NEDD4: variants seen among roughly 807,000 people sequenced by gnomAD.
The protein encoded by NEDD4 is NEDD4 E3 ubiquitin protein ligase.
Under a neutral mutation model 144.9 loss-of-function variants are expected in NEDD4, and 99 were observed. The ratio of observed to expected loss-of-function variants is 0.68; its 90% CI spans 0.58 to 0.81. The LOEUF is 0.81. Among genes scored for constraint, NEDD4 ranks in the 30% least tolerant of loss-of-function variants. The pLI is 0.00. For missense variants in NEDD4, 985 were observed against 1,065.9 expected (o/e 0.92, Z 1.06); for synonymous variants, 318 against 350.6 (o/e 0.91, Z 1.04).
Position 55,872,297 on chromosome 15 carries a change from A to C in NEDD4, c.404+118T>G, listed in dbSNP as rs2034829670. ...TAAAATAATAATAATAATAATAATA[A>C]TATTTAGAAGTAACTTATTTACAGA... is the stretch of plus-strand genomic sequence containing the variant. On this transcript the variant is annotated intron_variant, in intron 7 of 28. Transcript: ENST00000435532. 5 of 278,742 alleles carry C rather than the reference A, an allele frequency of 1.8e-5. No individual in the cohort carries two copies. The Admixed American group carries it at 2.6e-4, about 15-fold the overall frequency. The allele number at this position is 278,742 out of a possible 1,614,324, so 17.3% of individuals were successfully genotyped here.
chr15:55,941,950 G>T (rs1451803972), intron 4 of NEDD4, among the ~76,000 whole-genome samples: 1 of 152,056 alleles, frequency 6.6e-6, no homozygotes, highest in African/African-American at 2.4e-5. Context: ...CTTGGTAAAT[G>T]TTCCATGGGC....
intron 1 of NEDD4, among the ~76,000 whole-genome samples, chr15:55,986,632 G>A (rs1351637166): frequency 1.5e-5 from 2 of 132,648 alleles, no homozygotes; most frequent in Non-Finnish European, 3.1e-5. Context: ...CTCCGTCGCC[G>A]AGGCTGGAGT....
At chr15:55,952,195 G>C (rs996736964) in intron 2 of NEDD4, among the ~76,000 whole-genome samples, 1 of 151,816 alleles carries the variant, frequency 6.6e-6, no homozygotes, top group Non-Finnish European at 1.5e-5. Flanking sequence ...TTAGCCAGGC[G>C]TGGTGGCAGG....
chr15:55,982,903 C>A (rs2037826916), intron 1 of NEDD4, among the ~76,000 whole-genome samples: 1 of 152,104 alleles, frequency 6.6e-6, no homozygotes, highest in Admixed American at 6.6e-5. Context: ...AGGTGGATCA[C>A]CTGAGGTCAG....
chr15:55,962,631 A>G (rs1362296822), intron 2 of NEDD4, among the ~76,000 whole-genome samples: 1 of 151,124 alleles, frequency 6.6e-6, no homozygotes, highest in Non-Finnish European at 1.5e-5. Context: ...TTTAGTAGAG[A>G]TGGGGTTTCA....
rs958759954 is a variant in NEDD4 at position 55,827,849 on chromosome 15, G to T, written c.*2048C>A. The T allele has an allele frequency of 2.0e-5, 3 of 152,092 alleles. No homozygotes were observed. Among genetic ancestry groups the T allele is most frequent in the Non-Finnish European group, 4.4e-5 (3 of 68,006 alleles). The allele number at this position is 152,092 out of a possible 1,614,324, so 9.4% of individuals were successfully genotyped here. A position where few individuals can be genotyped will look rare whatever the true frequency, so the allele number is the denominator to read the frequency against. On this transcript the variant is annotated 3_prime_UTR_variant, in exon 29 of 29. Transcript: ENST00000435532. ...CACACCTGACTTGACACAATCTGAC[G>T]GTCAGCACAAAGCACCTTCTGATTG...
chr15:55,993,042 T>C (rs1246136023), intron 1 of NEDD4, among the ~76,000 whole-genome samples: 1 of 152,152 alleles, frequency 6.6e-6, no homozygotes, highest in Non-Finnish European at 1.5e-5. Context: ...CGAATGACAA[T>C]TCACTTGGAA....
chr15:55,919,496 G>T (rs1324857530), intron 5 of NEDD4, among the ~76,000 whole-genome samples: 1 of 152,124 alleles, frequency 6.6e-6, no homozygotes, highest in Non-Finnish European at 1.5e-5. Context: ...TGCATTGCTG[G>T]CTGAGGTCTG....
intron 4 of NEDD4, among the ~76,000 whole-genome samples, chr15:55,938,178 G>A (rs914247348): frequency 7.9e-5 from 12 of 152,098 alleles, no homozygotes; most frequent in African/African-American, 2.9e-4. Context: ...GGCCAACGTA[G>A]TGAAACCCTG....
At chr15:55,864,681 T>C (rs752215187) in intron 8 of NEDD4, among the ~76,000 whole-genome samples, 1 of 95,106 alleles carries the variant, frequency 1.1e-5, no homozygotes, top group African/African-American at 3.8e-5. Context: ...AAACTCTGTC[T>C]CATAAGAAAA....
At chr15:55,886,233 C>A (rs773546321) in intron 5 of NEDD4, among the ~76,000 whole-genome samples, 6 of 152,142 alleles carry the variant, frequency 3.9e-5, no homozygotes, top group Non-Finnish European at 8.8e-5. Flanking sequence ...GAGAGACAGA[C>A]CCCAATACAA....
intron 5 of NEDD4, among the ~76,000 whole-genome samples, chr15:55,889,701 T>G (rs2035504524): frequency 6.6e-6 from 1 of 151,496 alleles, no homozygotes; most frequent in Admixed American, 6.6e-5. Flanking sequence ...TTTGTTTTGT[T>G]TTGTTTTGTT....
rs56285555 is a variant in NEDD4 at position 55,974,891 on chromosome 15, C to CT, written c.46-8346dup. Among the ~76,000 whole-genome samples the CT allele has an allele frequency of 5.7e-3, 434 of 75,706 alleles. 16 individuals carry two copies. Among genetic ancestry groups the CT allele is most frequent in the East Asian group, 0.012 (28 of 2,406 alleles). 49.7% of individuals were successfully genotyped at this position (75,706 alleles called of 152,430 possible). A position where few individuals can be genotyped will look rare whatever the true frequency, so the allele number is the denominator to read the frequency against. The stretch of plus-strand genomic sequence containing the variant: ...TAAGGATGTCCATTTCTTTTCCTTT[C>CT]TTTTTTTTTTTTTTTTTTTTTGAGA... On this transcript the variant is annotated intron_variant, in intron 1 of 28. Transcript: ENST00000435532.
intron 24 of NEDD4, among the ~76,000 whole-genome samples, chr15:55,837,374 G>A (rs1218862677): frequency 2.0e-5 from 3 of 150,486 alleles, no homozygotes; most frequent in African/African-American, 7.4e-5. Context: ...AGGTTGCAGT[G>A]AGCCGAGATC....
At chr15:55,847,155 T>G in intron 17 of NEDD4, 121 bp from the exon 18 acceptor site, 1 of 516,202 alleles carries the variant, frequency 1.9e-6, no homozygotes. Context: ...GAAAGAAAAG[T>G]TTAATTAGAA....
chr15:55,860,609 C>A (rs775734127), intron 10 of NEDD4, 35 bp from the exon 11 acceptor site: 1 of 1,613,612 alleles, frequency 6.2e-7, no homozygotes, highest in Non-Finnish European at 8.5e-7. Flanking sequence ...GCCACACATA[C>A]TTTATTGCTA....
rs759776625 is a variant in NEDD4 at position 55,838,613 on chromosome 15, G to GA, written c.2032-10dup. ...TTGTAATATTCACTATCCTAGATGG[G>GA]AAAAATTACATATTTAAAATTTGTA... On this transcript the variant is annotated splice_polypyrimidine_tract_variant and intron_variant, in intron 21 of 28. Transcript: ENST00000435532. 3.8e-6 allele frequency: 6 copies of GA among 1,570,818 alleles called. No individual in the cohort carries two copies. The South Asian group carries it at 4.5e-5, about 12-fold the overall frequency.
At chr15:55,988,459 A>T (rs2037931919) in intron 1 of NEDD4, among the ~76,000 whole-genome samples, 1 of 133,542 alleles carries the variant, frequency 7.5e-6, no homozygotes, top group South Asian at 2.7e-4. Flanking sequence ...ATGTACACTA[A>T]AACTTAGAGT....
At chr15:55,936,045 C>G (rs1175875530) in intron 4 of NEDD4, among the ~76,000 whole-genome samples, 1 of 151,938 alleles carries the variant, frequency 6.6e-6, no homozygotes, top group Non-Finnish European at 1.5e-5. Flanking sequence ...ATGATTAAAG[C>G]TAATCAGTGT....
Sources: gnomAD v4.1 joint callset for allele counts (sites outside exome capture counted in the v4.1 genomes callset) on GRCh38, gnomAD v4.1.1 for gene constraint, MANE v1.5 for transcripts, NCBI Gene and HGNC (gene_info 2026-07-23, HGNC 2026-07-21) for gene names.